FNIP1: variants seen among roughly 807,000 people sequenced by gnomAD.
FNIP1 encodes folliculin interacting protein 1.
In FNIP1, 40 loss-of-function variants were observed where a neutral mutation model predicts 124.5. The observed-to-expected ratio is 0.32, with a 90% CI of 0.25 to 0.42. The LOEUF is 0.42. Ranked by LOEUF, FNIP1 falls within the 10% of genes least tolerant of loss-of-function variation. The pLI is 1.00. For missense variants in FNIP1, 1,176 were observed against 1,403.7 expected (o/e 0.84, Z 2.59); for synonymous variants, 472 against 470.6 (o/e 1.00, Z -0.04).
chr5:131,749,451 G>C (rs1206654810), intron 1 of FNIP1, among the ~76,000 whole-genome samples: 4 of 149,578 alleles, frequency 2.7e-5, no homozygotes, highest in Admixed American at 2.7e-4. Flanking sequence ...GAAGTGCAGT[G>C]GTGCGATTTT....
intron 1 of FNIP1, among the ~76,000 whole-genome samples, chr5:131,791,210 G>T (rs1772396538): frequency 6.6e-6 from 1 of 152,166 alleles, no homozygotes; most frequent in Non-Finnish European, 1.5e-5. Flanking sequence ...GTTGATAAAA[G>T]TTATTCCAGC....
rs540118212 is a variant in FNIP1 at position 131,672,896 on chromosome 5, G to A, written c.1548C>T (p.Pro516=). Residue 516 remains proline, a synonymous_variant, in exon 14 of 18, where the codon CCC becomes CCT. Transcript: ENST00000510461. Reference sequence around the variant, plus strand: ...CTACCACAGTCCTTGCTAACCGTACGGGAGAGCCAATAGCGCCATACAAGT... The same window carrying A: ...CTACCACAGTCCTTGCTAACCGTACAGGAGAGCCAATAGCGCCATACAAGT... ...LGDLYGAIGS[P]VRLARTVVVG... is the part of the protein sequence containing the mutation. 2.7e-5 allele frequency: 43 copies of A among 1,570,670 alleles called. No homozygotes were observed. Among genetic ancestry groups the A allele is most frequent in the African/African-American group, 4.1e-5 (3 of 72,914 alleles).
chr5:131,765,540 T>C (rs1182019045), intron 1 of FNIP1, among the ~76,000 whole-genome samples: 2 of 152,238 alleles, frequency 1.3e-5, no homozygotes, highest in African/African-American at 2.4e-5. Context: ...AATGTAAGCA[T>C]GCTTTCCTTA....
intron 10 of FNIP1, among the ~76,000 whole-genome samples, chr5:131,701,718 C>T (rs544326058): frequency 1.7e-3 from 256 of 152,290 alleles, no homozygotes; most frequent in African/African-American, 5.6e-3. Flanking sequence ...GGTCTACCCA[C>T]CTCTCGTCTC....
chr5:131,644,889 C>T (rs182346602), intron 17 of FNIP1, 126 bp from the exon 18 acceptor site: 58 of 768,054 alleles, frequency 7.6e-5, no homozygotes, highest in African/African-American at 6.7e-4. Context: ...CCACTCTGGC[C>T]GAAAGGAAAA....
At chr5:131,652,620 C>A (rs375367449) in intron 15 of FNIP1, among the ~76,000 whole-genome samples, 83 of 152,226 alleles carry the variant, frequency 5.5e-4, no homozygotes, top group African/African-American at 1.9e-3. Flanking sequence ...GGATTACAGG[C>A]GTGAGACACT....
In FNIP1 at chr5:131,671,912, G is replaced by C. The variant is rs139857435; in HGVS notation, c.2532C>G (p.Ile844Met). Reference protein sequence around the residue: ...LFDEYFNDDSIETRTIDDVPF... With the variant: ...LFDEYFNDDSMETRTIDDVPF... ...GAACATCATCAATAGTCCTGGTTTC[G>C]ATTGAATCATCATTAAAATATTCGT... The change falls in exon 14 of 18, where the codon ATC (isoleucine) becomes ATG (methionine). Residue 844 changes from isoleucine to methionine, a missense_variant. Coordinates refer to ENST00000510461, the MANE Select transcript of FNIP1 (RefSeq NM_133372.3). 1.2e-6 allele frequency: 2 copies of C among 1,614,050 alleles called. No homozygotes were observed. Among genetic ancestry groups the C allele is most frequent in the Non-Finnish European group, 1.7e-6 (2 of 1,180,014 alleles).
Position 131,792,183 on chromosome 5 carries a change from G to A in FNIP1, c.92+4647C>T, listed in dbSNP as rs529916078. On this transcript the variant is annotated intron_variant, in intron 1 of 17. Transcript: ENST00000510461. The stretch of plus-strand genomic sequence containing the variant: ...CACTTTTTTTTTTTTTTTTTGAGAC[G>A]GAGTTTCACTCTTGTTGCCCAGGGT... Among the ~76,000 whole-genome samples the A allele has an allele frequency of 1.0e-3, 146 of 142,176 alleles. 1 individual carries two copies. The highest frequency in any genetic ancestry group is 7.5e-3 in the Middle Eastern group (2 of 268). The allele number at this position is 142,176 out of a possible 152,430, so 93.3% of individuals were successfully genotyped here. A position where few individuals can be genotyped will look rare whatever the true frequency, so the allele number is the denominator to read the frequency against.
intron 11 of FNIP1, among the ~76,000 whole-genome samples, chr5:131,680,405 T>C (rs544240817): frequency 1.3e-5 from 2 of 152,212 alleles, no homozygotes; most frequent in South Asian, 4.1e-4. Flanking sequence ...ATATAATCAT[T>C]GCTAAGAATT....
intron 2 of FNIP1, among the ~76,000 whole-genome samples, chr5:131,732,330 C>T (rs1006536212): frequency 1.1e-4 from 17 of 152,190 alleles, no homozygotes; most frequent in Non-Finnish European, 1.5e-5. Flanking sequence ...CTCCAGTTAT[C>T]TCTAACCAAA....
Position 131,698,902 on chromosome 5 carries a change from C to T in FNIP1, c.1202+15G>A. The T allele has an allele frequency of 6.3e-7, 1 of 1,588,670 alleles. No homozygotes were observed. The highest frequency in any genetic ancestry group is 1.4e-5 in the African/African-American group (1 of 73,558). On this transcript the variant is annotated intron_variant, in intron 11 of 17. Coordinates refer to ENST00000510461, the MANE Select transcript of FNIP1 (RefSeq NM_133372.3). ...CTATGAATTACTGCATTATGGAAAG[C>T]TGGGCAATATGTACCTGAATTCATT... is the stretch of plus-strand genomic sequence containing the variant.
At position 131,644,221 on chromosome 5, in the gene FNIP1, A is replaced by G. The variant is rs548958124; in HGVS notation, c.*464T>C. 6.5e-6 allele frequency: 1 copy of G among 152,794 alleles called. No homozygotes were observed. The highest frequency in any genetic ancestry group is 2.1e-4 in the South Asian group (1 of 4,860). 9.5% of individuals were successfully genotyped at this position (152,794 alleles called of 1,614,324 possible). A position where few individuals can be genotyped will look rare whatever the true frequency, so the allele number is the denominator to read the frequency against. On this transcript the variant is annotated 3_prime_UTR_variant, in exon 18 of 18. Transcript: ENST00000510461. Reference sequence around the variant, plus strand: ...TTACTTTGAGAAATAACCAGACATTAGCTGTTTTGAATTGCAAAACTAACA... The same window carrying G: ...TTACTTTGAGAAATAACCAGACATTGGCTGTTTTGAATTGCAAAACTAACA...
chr5:131,702,440 C>T (rs1561663513), intron 10 of FNIP1, among the ~76,000 whole-genome samples: 1 of 152,110 alleles, frequency 6.6e-6, no homozygotes, highest in Non-Finnish European at 1.5e-5. Context: ...AGACACAGCA[C>T]AATCCCTACC....
chr5:131,661,723 A>G (rs1042450786), intron 15 of FNIP1, among the ~76,000 whole-genome samples: 3 of 152,216 alleles, frequency 2.0e-5, no homozygotes, highest in African/African-American at 7.2e-5. Context: ...GGTGAGCAAC[A>G]TCGCCAGGGC....
At chr5:131,771,459 G>A (rs1347129820) in intron 1 of FNIP1, among the ~76,000 whole-genome samples, 1 of 152,142 alleles carries the variant, frequency 6.6e-6, no homozygotes, top group Non-Finnish European at 1.5e-5. Context: ...TTGAAAACCA[G>A]CAAAGTGCCA....
intron 13 of FNIP1, 127 bp from the exon 14 acceptor site, chr5:131,673,051 GTTTTT>G: frequency 2.1e-6 from 1 of 482,206 alleles, no homozygotes; most frequent in Non-Finnish European, 3.4e-6. Flanking sequence ...TCGTTTTTTT[GTTTTT>G]TTTTTTTTTG....
At chr5:131,710,554 C>A (rs763218940) in intron 7 of FNIP1, 24 bp downstream of exon 7, 3 of 1,607,714 alleles carry the variant, frequency 1.9e-6, no homozygotes, top group South Asian at 1.1e-5. Flanking sequence ...ACCAACTAGT[C>A]TACCCACACA....
chr5:131,794,129 G>T (rs1281866267), intron 1 of FNIP1, among the ~76,000 whole-genome samples: 1 of 150,532 alleles, frequency 6.6e-6, no homozygotes, highest in Non-Finnish European at 1.5e-5. Flanking sequence ...CTACTCAGGA[G>T]GCTGAGGTGA....
chr5:131,734,251 T>C (rs1770206080), intron 2 of FNIP1, among the ~76,000 whole-genome samples: 1 of 152,198 alleles, frequency 6.6e-6, no homozygotes, highest in Non-Finnish European at 1.5e-5. Context: ...GGTTTATCAA[T>C]TTTGTTGATC....
Sources: allele counts gnomAD v4.1 joint callset (sites outside exome capture counted in the v4.1 genomes callset), GRCh38; gene constraint gnomAD v4.1.1; transcripts MANE v1.5; gene names NCBI Gene and HGNC (gene_info 2026-07-23, HGNC 2026-07-21).